ENOSF1: variants seen among roughly 807,000 people sequenced by gnomAD.
The protein encoded by ENOSF1 is mitochondrial enolase superfamily member 1.
A neutral mutation model predicts 68.2 loss-of-function variants in ENOSF1; 73 were observed. The observed-to-expected ratio is 1.07, with a 90% CI of 0.89 to 1.30. The LOEUF (loss-of-function observed/expected upper bound fraction) is 1.30, where lower values mean the gene tolerates loss of function less well. Among genes scored for constraint, ENOSF1 ranks in the 50% most tolerant of loss-of-function variants. ENOSF1 has a pLI of 0.00. For synonymous variants in ENOSF1, 223 were observed against 210.4 expected (o/e 1.06, Z -0.52); for missense variants, 589 against 554.5 (o/e 1.06, Z -0.62).
intron 2 of ENOSF1, among the ~76,000 whole-genome samples, chr18:704,605 C>CTTTTTT (rs367666026): frequency 7.4e-6 from 1 of 135,308 alleles, no homozygotes. Flanking sequence ...TCTTCTGTAT[C>CTTTTTT]TTTTTTCTTT....
chr18:710,252 G>A (rs982755314), intron 1 of ENOSF1, among the ~76,000 whole-genome samples: 4 of 152,110 alleles, frequency 2.6e-5, no homozygotes, highest in East Asian at 1.9e-4. Context: ...GGGACCACAG[G>A]TGCATGCAAC....
intron 1 of ENOSF1, chr18:707,635 AAAG>A (rs1375978419): frequency 6.6e-6 from 1 of 152,192 alleles, no homozygotes; most frequent in Non-Finnish European, 1.5e-5. Context: ...ATGCATTCAT[AAAG>A]AAGAATTGTG....
At chr18:699,807 C>T (rs1230985357) in intron 2 of ENOSF1, among the ~76,000 whole-genome samples, 3 of 152,182 alleles carry the variant, frequency 2.0e-5, no homozygotes, top group East Asian at 1.9e-4. Flanking sequence ...AGGCTGGGCG[C>T]GGTGGCTCAC....
In ENOSF1 at chr18:676,347, T is replaced by C. The variant is rs372150523; in HGVS notation, c.1149-945A>G. On this transcript the variant is annotated intron_variant, in intron 14 of 15. Transcript: ENST00000647584. ...GGCAGCAGGGCCTGCTGGGAGGTGA[T>C]TGGATCATGGGAAGTGGTCCTTCAT... Among the ~76,000 whole-genome samples the C allele has an allele frequency of 5.3e-5, 8 of 152,250 alleles. No individual in the cohort carries two copies. The South Asian group carries it at 1.0e-3, about 20-fold the overall frequency.
chr18:683,127 G>A, intron 11 of ENOSF1, 119 bp downstream of exon 11: 1 of 1,212,288 alleles, frequency 8.2e-7, no homozygotes. Context: ...AATTATTTCA[G>A]CTACTTCAAC....
intron 2 of ENOSF1, among the ~76,000 whole-genome samples, chr18:700,370 C>T (rs771752029): frequency 8.1e-4 from 124 of 152,170 alleles, no homozygotes; most frequent in African/African-American, 2.5e-3. Flanking sequence ...ACGTTATTAT[C>T]GACACCAAAC....
rs1278560910 is a variant in ENOSF1, at chr18:671,264, A to G, written c.*3041T>C. On this transcript the variant is annotated 3_prime_UTR_variant, in exon 16 of 16. Transcript: ENST00000647584. ...TGCTACAAAAAAATGGAAAAGCTAC[A>G]CTAAATTATTTTTTTAAAAAAAGCC... is the stretch of plus-strand genomic sequence containing the variant. The G allele has an allele frequency of 1.3e-6, 1 of 776,868 alleles. No individual in the cohort carries two copies. The highest frequency in any genetic ancestry group is 2.2e-6 in the Non-Finnish European group (1 of 445,902). 48.1% of individuals were successfully genotyped at this position (776,868 alleles called of 1,614,324 possible).
Position 674,275 on chromosome 18 carries a change from A to C in ENOSF1, c.*30T>G, listed in dbSNP as rs1336647869. The C allele has an allele frequency of 6.7e-7, 1 of 1,490,040 alleles. No individual in the cohort carries two copies. The highest frequency in any genetic ancestry group is 1.2e-5 in the South Asian group (1 of 82,632). The allele number at this position is 1,490,040 out of a possible 1,614,324, so 92.3% of individuals were successfully genotyped here. On this transcript the variant is annotated 3_prime_UTR_variant, in exon 16 of 16. Coordinates refer to ENST00000647584, the MANE Select transcript of ENOSF1 (RefSeq NM_017512.7). ...AAGAAATTTTAAGCCCTTTCACTTCAGAAAGAAAAAAGTTGTTGGGGCTGA... is the reference window on the plus strand; with the variant it reads ...AAGAAATTTTAAGCCCTTTCACTTCCGAAAGAAAAAAGTTGTTGGGGCTGA...
At chr18:709,751 A>ATCT (rs762234761) in intron 1 of ENOSF1, among the ~76,000 whole-genome samples, 5 of 152,116 alleles carry the variant, frequency 3.3e-5, no homozygotes, top group Non-Finnish European at 5.9e-5. Context: ...AGGCTGGGCA[A>ATCT]CAAGCGAGAC....
intron 3 of ENOSF1, among the ~76,000 whole-genome samples, chr18:695,807 A>C (rs1454159307): frequency 6.6e-6 from 1 of 152,146 alleles, no homozygotes; most frequent in Non-Finnish European, 1.5e-5. Context: ...CATTACTATC[A>C]TATTTATTTG....
chr18:676,660 A>G (rs1273324721), intron 14 of ENOSF1, among the ~76,000 whole-genome samples: 1 of 152,204 alleles, frequency 6.6e-6, no homozygotes, highest in Non-Finnish European at 1.5e-5. Flanking sequence ...GAATAGACTA[A>G]TACAGTATAA....
At chr18:706,816 T>C (rs1050199947) in intron 1 of ENOSF1, 1 of 93,598 alleles carries the variant, frequency 1.1e-5, no homozygotes, top group African/African-American at 4.6e-5. Context: ...TATATATATA[T>C]TTTTTTTTTT....
intron 3 of ENOSF1, among the ~76,000 whole-genome samples, chr18:696,204 C>CT (rs368856668): frequency 0.012 from 1,383 of 118,700 alleles, 47 homozygotes; most frequent in Middle Eastern, 0.022. Flanking sequence ...ACATCTCTCT[C>CT]TTTTTTTTTT....
chr18:709,880 C>T (rs1356252995), intron 1 of ENOSF1, among the ~76,000 whole-genome samples: 1 of 152,144 alleles, frequency 6.6e-6, no homozygotes, highest in Non-Finnish European at 1.5e-5. Context: ...GCTGATGGTC[C>T]AGCATGCCTC....
chr18:696,457 T>C (rs1349676244), intron 3 of ENOSF1, among the ~76,000 whole-genome samples: 1 of 152,012 alleles, frequency 6.6e-6, no homozygotes, highest in Non-Finnish European at 1.5e-5. Flanking sequence ...GTGATCTGCC[T>C]GCCTTGGCCT....
At chr18:679,152 A>G (rs759832764) in intron 11 of ENOSF1, among the ~76,000 whole-genome samples, 17 of 151,148 alleles carry the variant, frequency 1.1e-4, no homozygotes, top group Non-Finnish European at 2.5e-4. Context: ...TCATCACTCC[A>G]TCAATTCCCT....
intron 12 of ENOSF1, chr18:678,343 T>G: frequency 2.9e-6 from 1 of 349,662 alleles, no homozygotes; most frequent in Non-Finnish European, 5.2e-6. Flanking sequence ...CGGGCTTCAT[T>G]TATAAGCTCA....
chr18:712,481 C>T (rs1367183339), intron 1 of ENOSF1, 23 bp downstream of exon 1: 1 of 1,535,844 alleles, frequency 6.5e-7, no homozygotes, highest in Non-Finnish European at 8.7e-7. Flanking sequence ...GGCGTCCGCG[C>T]TTACCATGGC....
chr18:681,932 C>T (rs1200204217), intron 11 of ENOSF1, among the ~76,000 whole-genome samples: 1 of 152,134 alleles, frequency 6.6e-6, no homozygotes, highest in Non-Finnish European at 1.5e-5. Flanking sequence ...AGAACTGGTC[C>T]CTGAGTCCCC....
Sources: gnomAD v4.1 joint callset for allele counts (sites outside exome capture counted in the v4.1 genomes callset) on GRCh38, gnomAD v4.1.1 for gene constraint, MANE v1.5 for transcripts, NCBI Gene and HGNC (gene_info 2026-07-23, HGNC 2026-07-21) for gene names.